Variants in TMCC1 observed in about 807,000 individuals in gnomAD.
TMCC1 encodes the protein transmembrane and coiled-coil domain family 1.
A neutral mutation model predicts 52.4 loss-of-function variants in TMCC1; 15 were observed. That is an observed-to-expected ratio of 0.29 (90% CI 0.19 to 0.44). TMCC1 has a LOEUF of 0.44. TMCC1 is among the 20% of genes least tolerant of loss of function. The pLI is 1.00. For synonymous variants in TMCC1, 279 were observed against 301.9 expected (o/e 0.92, Z 0.79); for missense variants, 503 against 806.0 (o/e 0.62, Z 4.55).
intron 4 of TMCC1, among the ~76,000 whole-genome samples, chr3:129,728,079 G>T (rs576882681): frequency 7.9e-5 from 12 of 152,306 alleles, no homozygotes; most frequent in African/African-American, 2.6e-4. Flanking sequence ...ACCTAAAGCA[G>T]AAGGGCTCTG....
chr3:129,747,562 T>C (rs1215022172), intron 4 of TMCC1, among the ~76,000 whole-genome samples: 2 of 152,204 alleles, frequency 1.3e-5, no homozygotes, highest in Non-Finnish European at 2.9e-5. Context: ...TTTGGAACTC[T>C]CTTATTACTA....
intron 4 of TMCC1, among the ~76,000 whole-genome samples, chr3:129,736,198 C>T (rs190036775): frequency 6.6e-6 from 1 of 152,262 alleles, no homozygotes; most frequent in East Asian, 1.9e-4. Context: ...GGAGGATGAG[C>T]AAGTGATCAC....
At chr3:129,677,535 T>C (rs1296439611) in intron 4 of TMCC1, among the ~76,000 whole-genome samples, 1 of 152,228 alleles carries the variant, frequency 6.6e-6, no homozygotes, top group African/African-American at 2.4e-5. Flanking sequence ...TAATTCCTGC[T>C]ACAAATACTT....
intron 2 of TMCC1, among the ~76,000 whole-genome samples, chr3:129,848,133 C>T (rs568404375): frequency 9.9e-4 from 150 of 152,238 alleles, no homozygotes; most frequent in African/African-American, 3.4e-3. Context: ...TTAAAGGTAT[C>T]TTTCAAAGAT....
intron 2 of TMCC1, among the ~76,000 whole-genome samples, chr3:129,841,312 G>T (rs191971894): frequency 1.2e-3 from 178 of 152,314 alleles, no homozygotes; most frequent in African/African-American, 3.7e-3. Flanking sequence ...GTCAGCCGGG[G>T]ACAGTGGCTC....
At chr3:129,885,292 T>TTGTCAAAGCAAAGG (rs950825817) in intron 1 of TMCC1, among the ~76,000 whole-genome samples, 1 of 152,048 alleles carries the variant, frequency 6.6e-6, no homozygotes, top group African/African-American at 2.4e-5. Flanking sequence ...GAAAATGAAT[T>TTGTCAAAGCAAAGG]TGTCAAAGCA....
intron 1 of TMCC1, among the ~76,000 whole-genome samples, chr3:129,891,715 C>G (rs1250910183): frequency 6.6e-6 from 1 of 152,032 alleles, no homozygotes; most frequent in African/African-American, 2.4e-5. Context: ...ACAATGTAGC[C>G]CAGTACTTAG....
chr3:129,732,643 A>G (rs2050632638), intron 4 of TMCC1, among the ~76,000 whole-genome samples: 1 of 152,068 alleles, frequency 6.6e-6, no homozygotes. Flanking sequence ...CAATTTCCAT[A>G]ATAGTGCCTT....
chr3:129,829,169 T>C (rs914147696), intron 3 of TMCC1, among the ~76,000 whole-genome samples: 1 of 152,184 alleles, frequency 6.6e-6, no homozygotes, highest in Non-Finnish European at 1.5e-5. Flanking sequence ...TATGAGTGAA[T>C]GGTTCAGACA....
chr3:129,830,462 T>A (rs893596096), intron 3 of TMCC1, among the ~76,000 whole-genome samples: 1 of 152,156 alleles, frequency 6.6e-6, no homozygotes, highest in Admixed American at 6.5e-5. Flanking sequence ...AAGAATTGAG[T>A]TTCTCAGAGG....
At chr3:129,698,832 A>T (rs1375184042) in intron 4 of TMCC1, among the ~76,000 whole-genome samples, 1 of 152,174 alleles carries the variant, frequency 6.6e-6, no homozygotes, top group Non-Finnish European at 1.5e-5. Flanking sequence ...AAAGCTTAAG[A>T]TATCTAGTAT....
intron 2 of TMCC1, among the ~76,000 whole-genome samples, chr3:129,855,025 T>G (rs2060089908): frequency 6.6e-6 from 1 of 152,160 alleles, no homozygotes; most frequent in Non-Finnish European, 1.5e-5. Context: ...ACTGCCTAAG[T>G]CAAAGTTCAG....
chr3:129,872,694 T>C (rs983004603), intron 2 of TMCC1, among the ~76,000 whole-genome samples: 2 of 151,882 alleles, frequency 1.3e-5, no homozygotes, highest in African/African-American at 4.8e-5. Context: ...AAAGCCAACA[T>C]AATGAGGAAA....
At chr3:129,658,321 AG>A (rs2086803083) in intron 5 of TMCC1, among the ~76,000 whole-genome samples, 1 of 152,246 alleles carries the variant, frequency 6.6e-6, no homozygotes, top group African/African-American at 2.4e-5. Context: ...TCACAGGAGC[AG>A]GAAGGCTGTT....
intron 4 of TMCC1, among the ~76,000 whole-genome samples, chr3:129,788,901 T>C (rs1329498324): frequency 1.3e-5 from 2 of 152,318 alleles, no homozygotes; most frequent in African/African-American, 4.8e-5. Context: ...CAGATAGACA[T>C]ATGCATAGTA....
intron 4 of TMCC1, among the ~76,000 whole-genome samples, chr3:129,770,869 G>T (rs1023328228): frequency 6.6e-6 from 1 of 152,070 alleles, no homozygotes; most frequent in Non-Finnish European, 1.5e-5. Flanking sequence ...AGTACAGTTA[G>T]GTTAAAATGA....
At chr3:129,763,586 C>T (rs1294069766) in intron 4 of TMCC1, among the ~76,000 whole-genome samples, 1 of 134,714 alleles carries the variant, frequency 7.4e-6, no homozygotes, top group Non-Finnish European at 1.6e-5. Context: ...AAAAATTATA[C>T]TTACCCTGAT....
chr3:129,758,051 T>C (rs1056981683), intron 4 of TMCC1, among the ~76,000 whole-genome samples: 1 of 152,102 alleles, frequency 6.6e-6, no homozygotes, highest in African/African-American at 2.4e-5. Flanking sequence ...TGATATAACA[T>C]TGGAAAATAG....
At chr3:129,739,711 C>A (rs898833840) in intron 4 of TMCC1, among the ~76,000 whole-genome samples, 6 of 152,184 alleles carry the variant, frequency 3.9e-5, no homozygotes, top group African/African-American at 1.4e-4. Flanking sequence ...AACTCACTGG[C>A]AAGCAGTCTG....
Sources: gnomAD v4.1 joint callset for allele counts (sites outside exome capture counted in the v4.1 genomes callset) on GRCh38, gnomAD v4.1.1 for gene constraint, MANE v1.5 for transcripts, NCBI Gene and HGNC (gene_info 2026-07-23, HGNC 2026-07-21) for gene names.